Variants in NIN observed in about 807,000 individuals in gnomAD.
NIN encodes the protein ninein.
NIN carries 137 observed loss-of-function variants against 257.6 expected under a neutral mutation model. That is an observed-to-expected ratio of 0.53 (90% confidence interval 0.46 to 0.61). NIN has a LOEUF of 0.61. Among genes scored for constraint, NIN ranks in the 20% least tolerant of loss-of-function variants. The probability of loss-of-function intolerance (pLI) is 0.00; values close to 1 mark genes in which losing one functional copy is unlikely to be tolerated. For missense variants in NIN, 2,439 were observed against 2,501.2 expected (o/e 0.98, Z 0.53); for synonymous variants, 918 against 919.8 (o/e 1.00, Z 0.04).
At chr14:50,766,642 C>T in intron 13 of NIN, 138 bp downstream of exon 13, 1 of 663,036 alleles carries the variant, frequency 1.5e-6, no homozygotes. Context: ...TAAATTATAT[C>T]CCTACAAAAG....
At chr14:50,759,811 C>G (rs778604250) in intron 17 of NIN, 46 bp downstream of exon 17, 29 of 1,556,832 alleles carry the variant, frequency 1.9e-5, no homozygotes, top group Non-Finnish European at 2.4e-5. Context: ...TCTAATGCCC[C>G]GAGGGATGGT....
intron 28 of NIN, among the ~76,000 whole-genome samples, chr14:50,731,588 C>T (rs2040705792): frequency 6.6e-6 from 1 of 150,824 alleles, no homozygotes; most frequent in Non-Finnish European, 1.5e-5. Context: ...GTAATCCCAG[C>T]ACTCTGGGAG....
Position 50,721,151 on chromosome 14 carries a change from T to C in NIN, c.*2312A>G, listed in dbSNP as rs2040263139. ...ATACATTTAAGGTATCTGTATGGTA[T>C]TTCTCATATTGATCTTTTTCCCAAT... On this transcript the variant is annotated 3_prime_UTR_variant, in exon 31 of 31. Transcript: ENST00000530997. The C allele has an allele frequency of 5.0e-6, 1 of 199,630 alleles. No individual in the cohort carries two copies. Among genetic ancestry groups the C allele is most frequent in the African/African-American group, 2.3e-5 (1 of 43,540 alleles). The allele number at this position is 199,630 out of a possible 1,614,324, so 12.4% of individuals were successfully genotyped here. A position where few individuals can be genotyped will look rare whatever the true frequency, so the allele number is the denominator to read the frequency against.
chr14:50,735,746 A>T, intron 27 of NIN, 129 bp from the exon 28 acceptor site: 1 of 1,190,614 alleles, frequency 8.4e-7, no homozygotes, highest in Non-Finnish European at 1.1e-6. Context: ...TAATTCAGTG[A>T]CAAACAAATA....
At chr14:50,791,326 C>T (rs1459529317) in intron 5 of NIN, among the ~76,000 whole-genome samples, 3 of 152,164 alleles carry the variant, frequency 2.0e-5, no homozygotes, top group Non-Finnish European at 2.9e-5. Flanking sequence ...TATCTCAATT[C>T]GCAAAGAGAC....
intron 7 of NIN, among the ~76,000 whole-genome samples, chr14:50,776,078 C>T (rs1393425867): frequency 6.6e-6 from 1 of 152,068 alleles, no homozygotes; most frequent in South Asian, 2.1e-4. Context: ...ACTTATCCCC[C>T]GAGCAAGCAG....
At chr14:50,782,743 G>GA (rs2141927739) in intron 5 of NIN, among the ~76,000 whole-genome samples, 1 of 152,328 alleles carries the variant, frequency 6.6e-6, no homozygotes, top group South Asian at 2.1e-4. Context: ...TTGGGGGTGG[G>GA]ATAAAGGGAA....
At chr14:50,769,059 T>G (rs185926126) in intron 12 of NIN, among the ~76,000 whole-genome samples, 2 of 152,296 alleles carry the variant, frequency 1.3e-5, no homozygotes, top group Admixed American at 1.3e-4. Flanking sequence ...GGCTAGGGAG[T>G]AATAATTACC....
At chr14:50,818,285 T>C (rs966989407) in intron 3 of NIN, among the ~76,000 whole-genome samples, 3 of 128,418 alleles carry the variant, frequency 2.3e-5, no homozygotes, top group Admixed American at 1.9e-4. Context: ...ATTATGCCAC[T>C]ACACTCCAGC....
At chr14:50,797,354 A>G (rs960496861) in intron 4 of NIN, among the ~76,000 whole-genome samples, 4 of 152,148 alleles carry the variant, frequency 2.6e-5, no homozygotes, top group Non-Finnish European at 5.9e-5. Context: ...TTTGCTTTCT[A>G]TGTCCCTTCC....
chr14:50,753,085 C>G (rs772087546), intron 20 of NIN, among the ~76,000 whole-genome samples: 2 of 152,110 alleles, frequency 1.3e-5, no homozygotes, highest in Non-Finnish European at 2.9e-5. Flanking sequence ...GGACAGCTTG[C>G]TTTTTCTACT....
intron 2 of NIN, among the ~76,000 whole-genome samples, chr14:50,823,677 TC>T (rs1023205568): frequency 1.3e-5 from 2 of 152,154 alleles, no homozygotes; most frequent in African/African-American, 4.8e-5. Context: ...CTGGGGCCAC[TC>T]ATTAAAGTAA....
Position 50,756,862 on chromosome 14 carries a change from C to G in NIN, c.4168G>C (p.Glu1390Gln), listed in dbSNP as rs1263581602. The G allele has an allele frequency of 2.6e-6, 4 of 1,552,186 alleles. No homozygotes were observed. In the African/African-American group the frequency reaches 5.5e-5, roughly 21 times the overall value. ...GTGTTCCCCTCAAGGTACTGGTTTT[C>G]TTGCTTACATTCCTCTATGACATGA... ...VHHVIEECKQENQYLEGNTQL... is the reference protein window; with the variant it reads ...VHHVIEECKQQNQYLEGNTQL... The change falls in exon 18 of 31, where the codon GAA becomes CAA. Residue 1390 changes from glutamate to glutamine, a missense_variant. By Grantham distance (29) the Glu-to-Gln change is conservative (BLOSUM62 2). This residue lies in a region of NIN where 2,043 missense variants were observed against 2,050.2 expected (regional missense o/e 1.00). Transcript: ENST00000530997.
intron 4 of NIN, among the ~76,000 whole-genome samples, chr14:50,794,862 T>C (rs1323163991): frequency 6.6e-6 from 1 of 152,072 alleles, no homozygotes; most frequent in Non-Finnish European, 1.5e-5. Flanking sequence ...GGTTCCCTGG[T>C]TGTTTACTAC....
In NIN at chr14:50,729,680, T is replaced by C. The variant is rs149712058; in HGVS notation, c.5921A>G (p.His1974Arg). 2.5e-6 allele frequency: 4 copies of C among 1,613,322 alleles called. No homozygotes were observed. Among genetic ancestry groups the C allele is most frequent in the Non-Finnish European group, 2.5e-6 (3 of 1,179,684 alleles). Reference protein sequence around the residue: ...RSTATPSPSPHAWDLQLLQQQ... With the variant: ...RSTATPSPSPRAWDLQLLQQQ... ...CTGGAGCAGCTGCAAATCCCAAGCA[T>C]GAGGGGACGGGCTAGGCGTCGCAGT... Residue 1974 changes from histidine to arginine, a missense_variant, in exon 29 of 31, where the codon CAT becomes CGT. Transcript: ENST00000530997.
At chr14:50,825,936 CCTTTT>C (rs2045437399) in intron 2 of NIN, among the ~76,000 whole-genome samples, 2 of 152,128 alleles carry the variant, frequency 1.3e-5, no homozygotes, top group Non-Finnish European at 2.9e-5. Flanking sequence ...ATACACATTC[CCTTTT>C]TTTTCTAAAG....
rs1297572681 is a variant in NIN at position 50,822,897 on chromosome 14, G to A, written c.-21-820C>T. 3.3e-5 allele frequency among the ~76,000 whole-genome samples: 5 copies of A among 152,202 alleles called. No individual in the cohort carries two copies. The South Asian group carries it at 6.2e-4, about 19-fold the overall frequency. On this transcript the variant is annotated intron_variant, in intron 2 of 30. Transcript: ENST00000530997. ...ACACTATTTCAACCTTTCAGACAGT[G>A]AGGTTTAAAGGAGCCACTGACTGGT...
intron 5 of NIN, among the ~76,000 whole-genome samples, chr14:50,788,897 G>A (rs765600672): frequency 4.6e-5 from 7 of 152,088 alleles, no homozygotes; most frequent in Non-Finnish European, 7.4e-5. Context: ...CTTTAACTTC[G>A]GATGATGGGT....
chr14:50,779,751 C>G (rs1244527066), intron 5 of NIN, among the ~76,000 whole-genome samples: 1 of 150,334 alleles, frequency 6.7e-6, no homozygotes, highest in Non-Finnish European at 1.5e-5. Context: ...GAGCGAGACT[C>G]CGTCTCAAAA....
Sources: gnomAD v4.1 joint callset for allele counts (sites outside exome capture counted in the v4.1 genomes callset) on GRCh38, gnomAD v4.1.1 for gene constraint, gnomAD v4.1.1 regional missense constraint, MANE v1.5 for transcripts, NCBI Gene and HGNC (gene_info 2026-07-23, HGNC 2026-07-21) for gene names.